Variants in CELSR1 observed in about 807,000 individuals in gnomAD.
The protein encoded by CELSR1 is adhesion G protein-coupled receptor C1.
In CELSR1, 110 loss-of-function variants were observed where a neutral mutation model predicts 249.1. That is an observed-to-expected ratio of 0.44 (90% confidence interval 0.38 to 0.52). The LOEUF is 0.52. Among genes scored for constraint, CELSR1 ranks in the 20% least tolerant of loss-of-function variants. CELSR1 has a pLI of 0.00. For synonymous variants in CELSR1, 2,113 were observed against 1,900.0 expected, an observed-to-expected ratio of 1.11 and a Z score of -2.92; for missense variants, 4,109 against 4,296.4, an observed-to-expected ratio of 0.96 and a Z score of 1.22.
chr22:46,397,618 G>T (rs2079163394), intron 12 of CELSR1, 56 bp downstream of exon 12: 1 of 1,371,254 alleles, frequency 7.3e-7, no homozygotes, highest in East Asian at 2.8e-5. Flanking sequence ...CCCCTCCTGT[G>T]TTTCAGCCAT....
At chr22:46,489,681 G>GTT (rs2080348839) in intron 1 of CELSR1, among the ~76,000 whole-genome samples, 1 of 152,124 alleles carries the variant, frequency 6.6e-6, no homozygotes, top group Non-Finnish European at 1.5e-5. Flanking sequence ...GGGAGGCCGA[G>GTT]ACAGGTGGAT....
At chr22:46,386,333 G>C in intron 19 of CELSR1, 69 bp downstream of exon 19, 1 of 1,424,070 alleles carries the variant, frequency 7.0e-7, no homozygotes, top group Non-Finnish European at 9.2e-7. Flanking sequence ...TTCACCCCAT[G>C]GGGGCCTAGC....
intron 1 of CELSR1, among the ~76,000 whole-genome samples, chr22:46,505,455 G>A (rs553628148): frequency 5.9e-5 from 9 of 151,664 alleles, no homozygotes; most frequent in Middle Eastern, 3.4e-3. Context: ...GCAACACAGC[G>A]AGACCTGGTC....
intron 1 of CELSR1, among the ~76,000 whole-genome samples, chr22:46,480,023 T>C (rs1275223046): frequency 6.6e-6 from 1 of 152,092 alleles, no homozygotes; most frequent in Non-Finnish European, 1.5e-5. Flanking sequence ...AAAAACCAGG[T>C]TTTTCCAAAT....
At chr22:46,368,652 C>T (rs7292476) in intron 27 of CELSR1, among the ~76,000 whole-genome samples, 10,382 of 152,154 alleles carry the variant, frequency 0.068, 1,143 homozygotes, top group African/African-American at 0.23. Flanking sequence ...CCTGTCGTGG[C>T]TCCTGGACGC....
In CELSR1 at chr22:46,535,595, C is replaced by T; in HGVS notation, c.1576G>A (p.Asp526Asn). The change falls in exon 1 of 35, where the codon GAT (aspartate) becomes AAT (asparagine). Residue 526 changes from aspartate (D) to asparagine (N), a missense_variant. By Grantham distance (23) the Asp-to-Asn change is conservative (BLOSUM62 1). This residue lies in a region of CELSR1 where 135 missense variants were observed against 190.0 expected (regional missense o/e 0.71). Coordinates refer to ENST00000674500, the MANE Select transcript of CELSR1 (RefSeq NM_001378328.1). Reference sequence around the variant, plus strand: ...ATGCTCAGCGAGTATTTCTGGACATCCTCGAAATCCAAGGGGTTGATCACA... The same window carrying T: ...ATGCTCAGCGAGTATTTCTGGACATTCTCGAAATCCAAGGGGTTGATCACA... Reference protein sequence around the residue: ...LDVINPLDFEDVQKYSLSIKA... With the variant: ...LDVINPLDFENVQKYSLSIKA... 6.2e-7 allele frequency: 1 copy of T among 1,613,440 alleles called. No homozygotes were observed. Among genetic ancestry groups the T allele is most frequent in the East Asian group, 2.2e-5 (1 of 44,880 alleles).
intron 2 of CELSR1, among the ~76,000 whole-genome samples, chr22:46,456,480 A>T (rs1555921652): frequency 1.3e-5 from 2 of 151,930 alleles, no homozygotes; most frequent in Non-Finnish European, 2.9e-5. Context: ...TAACAAGGTG[A>T]CACCCCGTCT....
chr22:46,405,968 A>G (rs1001686560), intron 9 of CELSR1, among the ~76,000 whole-genome samples: 10 of 151,992 alleles, frequency 6.6e-5, no homozygotes, highest in Non-Finnish European at 1.5e-4. Flanking sequence ...CCTCAAGGCC[A>G]CCCCTCCAGC....
Position 46,429,298 on chromosome 22 carries a change from T to C in CELSR1, c.4611+4095A>G, listed in dbSNP as rs1163925368. Among the ~76,000 whole-genome samples the C allele has an allele frequency of 6.6e-6, 1 of 152,180 alleles. No individual in the cohort carries two copies. The highest frequency in any genetic ancestry group is 2.4e-5 in the African/African-American group (1 of 41,448). ...CGTTTTCCGTCAGGCATGTCCACCC[T>C]TTTGAAGTTGTGGACACACCTTCAA... On this transcript the variant is annotated intron_variant, in intron 5 of 34. Coordinates refer to ENST00000674500, the MANE Select transcript of CELSR1 (RefSeq NM_001378328.1). This position sits in a 1 kb window ranked among gnomAD's most constrained non-coding sequence, Gnocchi z 4.1.
At position 46,534,053 on chromosome 22, in the gene CELSR1, C is replaced by A; in HGVS notation, c.3118G>T (p.Glu1040Ter). 6.2e-7 allele frequency: 1 copy of A among 1,613,786 alleles called. No homozygotes were observed. The highest frequency in any genetic ancestry group is 8.5e-7 in the Non-Finnish European group (1 of 1,180,032). ...PNAQIMYQIV[E>*]GDMRHFFQLD... is the part of the protein sequence containing the mutation. Reference sequence around the variant, plus strand: ...TGGAAGAAATGCCGCATGTCCCCTTCCACAATCTGATACATGATCTGGGCA... The same window carrying A: ...TGGAAGAAATGCCGCATGTCCCCTTACACAATCTGATACATGATCTGGGCA... The change falls in exon 1 of 35, where the codon GAA (glutamate) becomes TAA (stop). Residue 1040 changes from glutamate to a stop codon, truncating the protein, a stop_gained. Transcript: ENST00000674500. LOFTEE classifies it high-confidence loss of function. This position sits in a 1 kb window ranked among gnomAD's most constrained non-coding sequence, Gnocchi z 9.7.
rs2080455177 is a variant in CELSR1, at chr22:46,500,409, A to C, written c.3544+33218T>G. Among the ~76,000 whole-genome samples the C allele has an allele frequency of 6.6e-6, 1 of 152,148 alleles. No individual in the cohort carries two copies. The highest frequency in any genetic ancestry group is 1.5e-5 in the Non-Finnish European group (1 of 68,034). On this transcript the variant is annotated intron_variant, in intron 1 of 34. Coordinates refer to ENST00000674500, the MANE Select transcript of CELSR1 (RefSeq NM_001378328.1). The surrounding 1 kb of genome is among the most constrained non-coding windows in gnomAD (Gnocchi z 4.9). ...TTTACAGCGGTGGCGGTAACCATGG[A>C]AACTGGCAGTCGGTGCAGGAGGGCG...
chr22:46,473,043 G>C lies in CELSR1; in HGVS notation c.3545-8698C>G, dbSNP rs1397575783. 6.6e-6 allele frequency among the ~76,000 whole-genome samples: 1 copy of C among 152,180 alleles called. No homozygotes were observed. Among genetic ancestry groups the C allele is most frequent in the Non-Finnish European group, 1.5e-5 (1 of 68,032 alleles). On this transcript the variant is annotated intron_variant, in intron 1 of 34. Transcript: ENST00000674500. This position sits in a 1 kb window ranked among gnomAD's most constrained non-coding sequence, Gnocchi z 6.6. Reference sequence around the variant, plus strand: ...GACGTTAGTCAACCCCGGGAATGCAGAGTAGCGGAGAGACACGGGCACGGA... The same window carrying C: ...GACGTTAGTCAACCCCGGGAATGCACAGTAGCGGAGAGACACGGGCACGGA...
intron 20 of CELSR1, among the ~76,000 whole-genome samples, chr22:46,384,225 C>T (rs534235879): frequency 2.1e-3 from 313 of 152,352 alleles, no homozygotes; most frequent in African/African-American, 7.2e-3. Flanking sequence ...CGTGAGCCGC[C>T]GCGCCTGGCC....
chr22:46,418,923 A>C (rs1353662584), intron 5 of CELSR1, among the ~76,000 whole-genome samples: 4 of 152,234 alleles, frequency 2.6e-5, no homozygotes, highest in African/African-American at 9.6e-5. Flanking sequence ...ATTTGGAAAC[A>C]CAAGAACCGT....
At chr22:46,376,849 C>T (rs1263220923) in intron 24 of CELSR1, among the ~76,000 whole-genome samples, 3 of 151,946 alleles carry the variant, frequency 2.0e-5, no homozygotes, top group Non-Finnish European at 4.4e-5. Context: ...CCCCCATCTC[C>T]CAATAGAGTC....
intron 1 of CELSR1, among the ~76,000 whole-genome samples, chr22:46,507,282 G>C (rs1201835362): frequency 6.6e-6 from 1 of 152,198 alleles, no homozygotes; most frequent in Non-Finnish European, 1.5e-5. Context: ...CCACAGGTGA[G>C]AAGCCACGGC....
chr22:46,498,074 C>T (rs951191414), intron 1 of CELSR1, among the ~76,000 whole-genome samples: 2 of 150,496 alleles, frequency 1.3e-5, no homozygotes, highest in African/African-American at 4.9e-5. Context: ...CATGGAGAAA[C>T]CCCGTCTCTA....
At chr22:46,524,069 C>A (rs748753861) in intron 1 of CELSR1, among the ~76,000 whole-genome samples, 1 of 152,232 alleles carries the variant, frequency 6.6e-6, no homozygotes, top group Non-Finnish European at 1.5e-5. Context: ...CCCAGGGCCT[C>A]GCCACTGACA....
At chr22:46,378,519 T>C (rs1364212331) in intron 23 of CELSR1, 72 bp downstream of exon 23, 3 of 1,433,580 alleles carry the variant, frequency 2.1e-6, no homozygotes, top group Non-Finnish European at 2.8e-6. Flanking sequence ...GGCGGGGAGG[T>C]GCAGGTTTGG....
Sources: allele counts gnomAD v4.1 joint callset (sites outside exome capture counted in the v4.1 genomes callset), GRCh38; gene constraint gnomAD v4.1.1; regional missense constraint gnomAD v4.1.1; non-coding constraint Gnocchi (gnomAD v3.1); transcripts MANE v1.5; gene names NCBI Gene and HGNC (gene_info 2026-07-23, HGNC 2026-07-21).